CDH10: variants seen among roughly 807,000 people sequenced by gnomAD.
The protein encoded by CDH10 is cadherin 10, also known as cadherin-10.
In CDH10, 30 loss-of-function variants were observed where a neutral mutation model predicts 73.1. The observed-to-expected ratio is 0.41, with a 90% confidence interval of 0.31 to 0.56. The LOEUF is 0.56. Among genes scored for constraint, CDH10 ranks in the 20% least tolerant of loss-of-function variants. The probability of loss-of-function intolerance (pLI) is 0.27; values close to 1 mark genes in which losing one functional copy is unlikely to be tolerated. For missense variants in CDH10, 815 were observed against 973.7 expected (o/e 0.84, Z 2.17); for synonymous variants, 345 against 348.2 (o/e 0.99, Z 0.10).
intron 2 of CDH10, among the ~76,000 whole-genome samples, chr5:24,546,002 A>C (rs1202000908): frequency 6.6e-6 from 1 of 152,136 alleles, no homozygotes; most frequent in Non-Finnish European, 1.5e-5. Flanking sequence ...TAGGTTGACA[A>C]ATACCTGACT....
chr5:24,554,196 C>G (rs201875635), intron 2 of CDH10: 1 of 66,642 alleles, frequency 1.5e-5, no homozygotes, highest in Non-Finnish European at 5.4e-5. Context: ...TCGTAAGTAA[C>G]TCTAAGTAAA....
intron 1 of CDH10, among the ~76,000 whole-genome samples, chr5:24,635,790 A>G (rs1389514240): frequency 6.6e-6 from 1 of 151,926 alleles, no homozygotes; most frequent in Non-Finnish European, 1.5e-5. Context: ...TCATAGACTT[A>G]TGAGCCCTTT....
chr5:24,633,669 A>G (rs970388626), intron 1 of CDH10, among the ~76,000 whole-genome samples: 2 of 151,938 alleles, frequency 1.3e-5, no homozygotes, highest in Admixed American at 6.6e-5. Context: ...TTTAAAAATG[A>G]TATCTTGCCT....
At chr5:24,566,364 T>C (rs1397011723) in intron 2 of CDH10, among the ~76,000 whole-genome samples, 1 of 152,148 alleles carries the variant, frequency 6.6e-6, no homozygotes, top group Non-Finnish European at 1.5e-5. Flanking sequence ...ATGTTTTAAA[T>C]ATATTTTTGG....
chr5:24,544,299 A>T (rs1381557762), intron 2 of CDH10, among the ~76,000 whole-genome samples: 1 of 152,180 alleles, frequency 6.6e-6, no homozygotes, highest in East Asian at 1.9e-4. Context: ...TCTCAGCAAC[A>T]ACAACAAAAA....
At chr5:24,598,896 A>G (rs1048925885) in intron 1 of CDH10, among the ~76,000 whole-genome samples, 1 of 152,130 alleles carries the variant, frequency 6.6e-6, no homozygotes, top group Admixed American at 6.6e-5. Flanking sequence ...AATTTGCAAA[A>G]CCAGATATCA....
At position 24,553,782 on chromosome 5, in the gene CDH10, T is replaced by A. The variant is rs73743637; in HGVS notation, c.232-16108A>T. On this transcript the variant is annotated intron_variant, in intron 2 of 11. Coordinates refer to ENST00000264463, the MANE Select transcript of CDH10 (RefSeq NM_006727.5). ...ATCAAGATGTGGAACCTAATTCCTC[T>A]TCCCTTGAATATTTTGTAATGGAGA... Among the ~76,000 whole-genome samples, 427 of 152,218 alleles carry A rather than the reference T, an allele frequency of 2.8e-3. 2 individuals carry two copies. Among genetic ancestry groups the A allele is most frequent in the African/African-American group, 9.6e-3 (400 of 41,564 alleles).
intron 1 of CDH10, among the ~76,000 whole-genome samples, chr5:24,609,354 G>A (rs1410846563): frequency 6.6e-6 from 1 of 152,158 alleles, no homozygotes; most frequent in Non-Finnish European, 1.5e-5. Context: ...AGGCTGCGTG[G>A]AAAGTAAGAA....
chr5:24,545,703 T>C (rs1289890984), intron 2 of CDH10, among the ~76,000 whole-genome samples: 1 of 151,976 alleles, frequency 6.6e-6, no homozygotes, highest in Non-Finnish European at 1.5e-5. Context: ...CCCAACTACT[T>C]GGGACTCAAC....
chr5:24,526,410 T>C (rs1250557090), intron 5 of CDH10, among the ~76,000 whole-genome samples: 4 of 152,028 alleles, frequency 2.6e-5, no homozygotes, highest in Middle Eastern at 3.4e-3. Flanking sequence ...CTAGCTGATA[T>C]TTTACATGTC....
At chr5:24,549,896 A>G (rs1744483180) in intron 2 of CDH10, among the ~76,000 whole-genome samples, 1 of 152,300 alleles carries the variant, frequency 6.6e-6, no homozygotes, top group Middle Eastern at 3.4e-3. Flanking sequence ...AACTAGCAGT[A>G]TAACATTCTA....
chr5:24,514,022 G>A (rs1743016326), intron 5 of CDH10, among the ~76,000 whole-genome samples: 1 of 152,016 alleles, frequency 6.6e-6, no homozygotes, highest in Non-Finnish European at 1.5e-5. Flanking sequence ...CAGGCACTTA[G>A]CATTTTTATC....
intron 5 of CDH10, among the ~76,000 whole-genome samples, chr5:24,512,301 C>T (rs1022702548): frequency 1.3e-5 from 2 of 152,106 alleles, no homozygotes; most frequent in South Asian, 4.1e-4. Flanking sequence ...CACGCACCAA[C>T]CAAGCGTGTA....
At chr5:24,582,511 G>A (rs1260412825) in intron 2 of CDH10, among the ~76,000 whole-genome samples, 1 of 152,096 alleles carries the variant, frequency 6.6e-6, no homozygotes, top group East Asian at 1.9e-4. Context: ...ACCACAAAGA[G>A]GGATTCCTGG....
rs2111878440 is a variant in CDH10 at position 24,535,229 on chromosome 5, A to C, written c.697T>G (p.Tyr233Asp). Residue 233 changes from tyrosine to aspartate, a missense_variant, in exon 5 of 12, where the codon TAC becomes GAC. Around this residue, in one of 3 missense-constraint regions of CDH10, gnomAD observed 516 missense variants for 636.6 expected, o/e 0.81. Coordinates refer to ENST00000264463, the MANE Select transcript of CDH10 (RefSeq NM_006727.5). Reference sequence around the variant, plus strand: ...TCTTTGGCCTGGATGACCACTTGGTATTGCTCTCTGTTTTCTCTGTTCATG... The same window carrying C: ...TCTTTGGCCTGGATGACCACTTGGTCTTGCTCTCTGTTTTCTCTGTTCATG... ...PNMNRENREQYQVVIQAKDMG... is the reference protein window; with the variant it reads ...PNMNRENREQDQVVIQAKDMG... 1 of 1,613,356 alleles carries C rather than the reference A, an allele frequency of 6.2e-7. No individual in the cohort carries two copies. The highest frequency in any genetic ancestry group is 8.5e-7 in the Non-Finnish European group (1 of 1,179,620).
At chr5:24,625,291 T>A (rs1365989220) in intron 1 of CDH10, among the ~76,000 whole-genome samples, 5 of 152,032 alleles carry the variant, frequency 3.3e-5, no homozygotes, top group African/African-American at 1.2e-4. Flanking sequence ...TTTAGTTATA[T>A]TGGAAGTGCC....
intron 5 of CDH10, among the ~76,000 whole-genome samples, chr5:24,530,269 C>A (rs1044515867): frequency 1.3e-5 from 2 of 151,632 alleles, no homozygotes; most frequent in African/African-American, 4.8e-5. Context: ...TAACTATGGG[C>A]AGATGAAAAT....
intron 2 of CDH10, among the ~76,000 whole-genome samples, chr5:24,566,664 C>G (rs189323552): frequency 6.6e-6 from 1 of 151,662 alleles, no homozygotes; most frequent in Non-Finnish European, 1.5e-5. Flanking sequence ...GGTAAACAAA[C>G]AAAAAAATCA....
chr5:24,596,534 C>T (rs1405687470), intron 1 of CDH10, among the ~76,000 whole-genome samples: 1 of 151,930 alleles, frequency 6.6e-6, no homozygotes, highest in Non-Finnish European at 1.5e-5. Flanking sequence ...GCCCACTTCT[C>T]CAAGGCTCAA....
Sources: gnomAD v4.1 joint callset for allele counts (sites outside exome capture counted in the v4.1 genomes callset) on GRCh38, gnomAD v4.1.1 for gene constraint, gnomAD v4.1.1 regional missense constraint, MANE v1.5 for transcripts, NCBI Gene and HGNC (gene_info 2026-07-23, HGNC 2026-07-21) for gene names.